Variants in CXorf58 observed in about 807,000 individuals in gnomAD.
CXorf58 encodes the protein chromosome X open reading frame 58.
A neutral mutation model predicts 26.0 loss-of-function variants in CXorf58; 24 were observed. That is an observed-to-expected ratio of 0.92 (90% CI 0.67 to 1.30). CXorf58 has a LOEUF of 1.30. Among genes scored for constraint, CXorf58 ranks in the 50% most tolerant of loss-of-function variants. The pLI is 0.00. For missense variants in CXorf58, 236 were observed against 263.9 expected, an observed-to-expected ratio of 0.89 and a Z score of 0.73; for synonymous variants, 87 against 86.1, an observed-to-expected ratio of 1.01 and a Z score of -0.06.
intron 3 of CXorf58, among the ~76,000 whole-genome samples, chrX:23,913,735 T>C (rs1319988617): frequency 9.2e-6 from 1 of 109,237 alleles, no homozygotes; most frequent in East Asian, 3.0e-4. Context: ...TGAAACCCCG[T>C]CTCTACTAAA....
At chrX:23,925,786 C>CTTTTTTTT (rs11296283) in intron 5 of CXorf58, among the ~76,000 whole-genome samples, 3 of 71,770 alleles carry the variant, frequency 4.2e-5, no homozygotes, top group African/African-American at 6.6e-5. Flanking sequence ...CTTTTCTTTT[C>CTTTTTTTT]TTTTTTTTTT....
intron 6 of CXorf58, among the ~76,000 whole-genome samples, chrX:23,934,393 ACC>A (rs1928239812): frequency 9.0e-6 from 1 of 110,559 alleles, no homozygotes; most frequent in African/African-American, 3.3e-5. Context: ...ATTTTAGAGC[ACC>A]CACAACCAAT....
chrX:23,929,423 GAAAA>G (rs1928101919), intron 6 of CXorf58, among the ~76,000 whole-genome samples: 1 of 78,717 alleles, frequency 1.3e-5, no homozygotes, highest in African/African-American at 4.3e-5. Flanking sequence ...AAAAAAAAAA[GAAAA>G]AGAAAAAAAA....
chrX:23,927,436 A>G (rs772376719), intron 6 of CXorf58, 66 bp downstream of exon 6: 2 of 645,517 alleles, frequency 3.1e-6, no homozygotes, highest in African/African-American at 4.6e-5. Context: ...TCATCCAAGA[A>G]GATAGAATCA....
intron 6 of CXorf58, among the ~76,000 whole-genome samples, chrX:23,934,842 G>T (rs1569256024): frequency 9.8e-6 from 1 of 102,040 alleles, no homozygotes; most frequent in South Asian, 4.5e-4. Context: ...AGTCTTAATT[G>T]TTTTTTTTCT....
intron 7 of CXorf58, among the ~76,000 whole-genome samples, chrX:23,937,607 T>C (rs1928326977): frequency 9.1e-6 from 1 of 109,591 alleles, no homozygotes; most frequent in Admixed American, 9.8e-5. Context: ...GTATTTTTAA[T>C]AGAGACAGGG....
At chrX:23,914,623 C>A (rs1237006218) in intron 3 of CXorf58, among the ~76,000 whole-genome samples, 2 of 111,889 alleles carry the variant, frequency 1.8e-5, no homozygotes, top group Non-Finnish European at 3.8e-5. Flanking sequence ...CAGTGGCTCA[C>A]GCCTGTAATC....
At chrX:23,908,896 G>C (rs1440061416) in intron 1 of CXorf58, among the ~76,000 whole-genome samples, 1 of 111,852 alleles carries the variant, frequency 8.9e-6, no homozygotes, top group Non-Finnish European at 1.9e-5. Flanking sequence ...CAGTAAAAGA[G>C]TTAGATTTAT....
At chrX:23,937,426 CTT>C (rs112427001) in intron 7 of CXorf58, among the ~76,000 whole-genome samples, 10 of 94,979 alleles carry the variant, frequency 1.1e-4, no homozygotes, top group Non-Finnish European at 1.7e-4. Flanking sequence ...TTTTTCTTTT[CTT>C]TTTTTTTTTT....
chrX:23,924,615 A>T (rs1927957328), intron 5 of CXorf58, among the ~76,000 whole-genome samples: 1 of 100,303 alleles, frequency 1.0e-5, no homozygotes, highest in Non-Finnish European at 2.0e-5. Context: ...GAGCTACTAC[A>T]CCCGGCCTAT....
intron 5 of CXorf58, among the ~76,000 whole-genome samples, chrX:23,925,863 A>G (rs1356068457): frequency 1.1e-5 from 1 of 92,905 alleles, no homozygotes; most frequent in Non-Finnish European, 2.1e-5. Flanking sequence ...ATCTCGGCTC[A>G]CTGCAACCTC....
chrX:23,916,074 T>C, intron 4 of CXorf58, 143 bp from the exon 5 acceptor site: 1 of 450,350 alleles, frequency 2.2e-6, no homozygotes. Context: ...ATGTGATCCA[T>C]TTCATTACCA....
rs1292271594 is a variant in CXorf58 at position 23,908,054 on chromosome X, G to A, written c.-296G>A. The A allele has an allele frequency of 5.8e-6, 1 of 172,559 alleles. No homozygotes were observed. The highest frequency in any genetic ancestry group is 1.1e-5 in the Non-Finnish European group (1 of 91,891). 14.2% of individuals were successfully genotyped at this position (172,559 alleles called of 1,213,427 possible). On this transcript the variant is annotated 5_prime_UTR_variant, in exon 1 of 9. Transcript: ENST00000379211. ...GGAGGGAGGCGCCTGGCGTTGCCGC[G>A]GCGCTGGGAAACTGTCTTTGCAGCG... is the stretch of plus-strand genomic sequence containing the variant.
At chrX:23,923,228 A>G (rs954795700) in intron 5 of CXorf58, among the ~76,000 whole-genome samples, 3 of 111,451 alleles carry the variant, frequency 2.7e-5, no homozygotes, top group Non-Finnish European at 5.6e-5. Flanking sequence ...AGCTTGCCCT[A>G]TGCTGCCAGG....
chrX:23,929,673 C>T (rs1352400931), intron 6 of CXorf58, among the ~76,000 whole-genome samples: 1 of 112,039 alleles, frequency 8.9e-6, no homozygotes, highest in Non-Finnish European at 1.9e-5. Context: ...GAAGATCTCA[C>T]TAAGATAATT....
intron 2 of CXorf58, among the ~76,000 whole-genome samples, chrX:23,911,388 T>G (rs1484134740): frequency 2.7e-5 from 3 of 112,003 alleles, no homozygotes; most frequent in Non-Finnish European, 5.6e-5. Flanking sequence ...GCACTTGAAC[T>G]AGTTGGACGT....
At chrX:23,923,484 A>T (rs1285496070) in intron 5 of CXorf58, among the ~76,000 whole-genome samples, 2 of 109,342 alleles carry the variant, frequency 1.8e-5, no homozygotes, top group East Asian at 5.8e-4. Flanking sequence ...ATACAAAAAA[A>T]AAAAATTAGC....
At chrX:23,920,193 C>T in intron 5 of CXorf58, among the ~76,000 whole-genome samples, 1 of 112,487 alleles carries the variant, frequency 8.9e-6, no homozygotes, top group Non-Finnish European at 1.9e-5. Context: ...AAGGGCTCTA[C>T]AGTCAGCAGG....
intron 6 of CXorf58, among the ~76,000 whole-genome samples, chrX:23,932,881 G>C (rs972788774): frequency 5.4e-5 from 6 of 111,648 alleles, no homozygotes; most frequent in African/African-American, 2.0e-4. Flanking sequence ...TATAATCCCA[G>C]CTACTTGGGA....
Sources: gnomAD v4.1 joint callset for allele counts (sites outside exome capture counted in the v4.1 genomes callset) on GRCh38, gnomAD v4.1.1 for gene constraint, MANE v1.5 for transcripts, NCBI Gene and HGNC (gene_info 2026-07-23, HGNC 2026-07-21) for gene names.